Variants in PLEKHA4 observed in about 807,000 individuals in gnomAD.
The protein encoded by PLEKHA4 is pleckstrin homology domain-containing family A member 4.
In PLEKHA4, 73 loss-of-function variants were observed where a neutral mutation model predicts 94.7. The observed-to-expected ratio is 0.77, with a 90% CI of 0.64 to 0.94. The LOEUF (loss-of-function observed/expected upper bound fraction) is 0.94, where lower values mean the gene tolerates loss of function less well. PLEKHA4 is among the 40% of genes least tolerant of loss of function. The pLI is 0.00. For synonymous variants in PLEKHA4, 449 were observed against 437.1 expected, an observed-to-expected ratio of 1.03 and a Z score of -0.34; for missense variants, 1,049 against 1,054.1, an observed-to-expected ratio of 1.00 and a Z score of 0.07.
chr19:48,838,538 C>T (rs1279848558), intron 18 of PLEKHA4, among the ~76,000 whole-genome samples: 1 of 149,286 alleles, frequency 6.7e-6, no homozygotes, highest in Non-Finnish European at 1.5e-5. Flanking sequence ...CCGAGGCGGG[C>T]GGATCACTTG....
chr19:48,863,738 T>G (rs1022351282), intron 3 of PLEKHA4, among the ~76,000 whole-genome samples: 1 of 151,876 alleles, frequency 6.6e-6, no homozygotes, highest in Non-Finnish European at 1.5e-5. Flanking sequence ...ACGCCCAGCC[T>G]AATTTTTGTA....
Position 48,845,534 on chromosome 19 carries a change from A to G in PLEKHA4, c.1649T>C (p.Leu550Pro). The G allele has an allele frequency of 6.8e-6, 11 of 1,611,644 alleles. No individual in the cohort carries two copies. Among genetic ancestry groups the G allele is most frequent in the Non-Finnish European group, 9.3e-6 (11 of 1,178,518 alleles). ...ATGCTCACCTAAGTGAGGGCTGGCG[A>G]GGTCTTTGTCGCCTCCAGGAGGCCG... ...WGRPPGGDKD[L>P]ASPHLGLGSP... Residue 550 changes from leucine to proline, a missense_variant, in exon 15 of 20, where the codon CTC becomes CCC. Leu to Pro is a moderately conservative substitution (Grantham distance 98). Coordinates refer to ENST00000263265, the MANE Select transcript of PLEKHA4 (RefSeq NM_020904.3).
intron 14 of PLEKHA4, 55 bp from the exon 15 acceptor site, chr19:48,845,671 T>G: frequency 7.6e-7 from 1 of 1,316,000 alleles, no homozygotes; most frequent in Non-Finnish European, 1.0e-6. Flanking sequence ...TTATTATTAT[T>G]ACCATGTTGC....
chr19:48,859,239 G>A, intron 7 of PLEKHA4, 100 bp from the exon 8 acceptor site: 1 of 1,004,538 alleles, frequency 1.0e-6, no homozygotes, highest in Non-Finnish European at 1.5e-6. Flanking sequence ...TCACTTCACT[G>A]TGTCTTACTG....
At chr19:48,845,731 C>G in intron 14 of PLEKHA4, 115 bp from the exon 15 acceptor site, 1 of 905,672 alleles carries the variant, frequency 1.1e-6, no homozygotes, top group Non-Finnish European at 1.6e-6. Flanking sequence ...GACCATAAAC[C>G]AGGCCGGGCG....
At chr19:48,850,048 T>A (rs2036121887) in intron 13 of PLEKHA4, among the ~76,000 whole-genome samples, 1 of 151,610 alleles carries the variant, frequency 6.6e-6, no homozygotes, top group Admixed American at 6.6e-5. Context: ...CCGTCTCTAC[T>A]AAAAATACAA....
intron 9 of PLEKHA4, among the ~76,000 whole-genome samples, chr19:48,856,247 A>G (rs73061624): frequency 0.17 from 25,062 of 145,040 alleles, 2,242 homozygotes; most frequent in African/African-American, 0.23. Flanking sequence ...GGAAAGAACG[A>G]GGAGGGGAGG....
rs2036576411 is a variant in PLEKHA4, at chr19:48,860,082, T to C, written c.476+268A>G. ...AAGGAGCCAATCAGAGAGTGTGCAA[T>C]ATTGATCATTCCTGGAGCAGAGCTG... On this transcript the variant is annotated intron_variant, in intron 6 of 19. Transcript: ENST00000263265. The C allele has an allele frequency of 7.0e-6, 4 of 575,020 alleles. No individual in the cohort carries two copies. In the Admixed American group the frequency reaches 1.2e-4, roughly 18 times the overall value. The allele number at this position is 575,020 out of a possible 1,614,324, so 35.6% of individuals were successfully genotyped here. A position where few individuals can be genotyped will look rare whatever the true frequency, so the allele number is the denominator to read the frequency against.
Position 48,854,249 on chromosome 19 carries a change from C to T in PLEKHA4, c.1063G>A (p.Glu355Lys), listed in dbSNP as rs774276649. Residue 355 changes from glutamate to lysine, a missense_variant, in exon 10 of 20, where the codon GAG becomes AAG. Coordinates refer to ENST00000263265, the MANE Select transcript of PLEKHA4 (RefSeq NM_020904.3). ...SMVLLPGPPL[E>K]STFHQSLETD... ...TCCAAGCTTTGGTGGAAAGTTGACTCCAGGGGAGGACCCGGCTGAAGAGAA... is the reference window on the plus strand; with the variant it reads ...TCCAAGCTTTGGTGGAAAGTTGACTTCAGGGGAGGACCCGGCTGAAGAGAA... The T allele has an allele frequency of 6.2e-6, 10 of 1,614,050 alleles. No individual in the cohort carries two copies. The South Asian group carries it at 1.1e-4, about 18-fold the overall frequency.
intron 12 of PLEKHA4, among the ~76,000 whole-genome samples, 184 bp downstream of exon 12, chr19:48,853,498 C>T (rs1156571905): frequency 7.9e-6 from 1 of 127,372 alleles, no homozygotes; most frequent in Non-Finnish European, 1.6e-5. Flanking sequence ...GACTCTGTCC[C>T]CCCCAAAAAA....
chr19:48,839,870 G>A (rs1196886317), intron 17 of PLEKHA4, among the ~76,000 whole-genome samples: 1 of 151,626 alleles, frequency 6.6e-6, no homozygotes, highest in Non-Finnish European at 1.5e-5. Flanking sequence ...AGGCCGAGGT[G>A]AGCAGATCAC....
chr19:48,845,545 G>A lies in PLEKHA4; in HGVS notation c.1638C>T (p.Gly546=), dbSNP rs539628897. Residue 546 remains glycine, a synonymous_variant, in exon 15 of 20, where the codon GGC becomes GGT. Coordinates refer to ENST00000263265, the MANE Select transcript of PLEKHA4 (RefSeq NM_020904.3). ...AGTGAGGGCTGGCGAGGTCTTTGTCGCCTCCAGGAGGCCGCCCCCAGTCAG... is the reference window on the plus strand; with the variant it reads ...AGTGAGGGCTGGCGAGGTCTTTGTCACCTCCAGGAGGCCGCCCCCAGTCAG... ...PETDWGRPPG[G]DKDLASPHLG... The A allele has an allele frequency of 3.0e-4, 485 of 1,611,174 alleles. 2 individuals are homozygous for A. The South Asian group carries it at 3.9e-3, about 13-fold the overall frequency.
In PLEKHA4 at chr19:48,861,270, G is replaced by C. The variant is rs572741712; in HGVS notation, c.366+131C>G. 1.4e-3 allele frequency: 1,173 copies of C among 824,592 alleles called. 8 individuals are homozygous for C. Among genetic ancestry groups the C allele is most frequent in the Middle Eastern group, 4.8e-3 (14 of 2,920 alleles). 51.1% of individuals were successfully genotyped at this position (824,592 alleles called of 1,614,324 possible). On this transcript the variant is annotated intron_variant, in intron 5 of 19. Coordinates refer to ENST00000263265, the MANE Select transcript of PLEKHA4 (RefSeq NM_020904.3). ...CAAAACGAGGATGCAATTGACGCTT[G>C]TCAAGACCTTTTATCTCCAGTAATG...
chr19:48,845,345 A>G, intron 16 of PLEKHA4, 25 bp downstream of exon 16: 1 of 1,607,262 alleles, frequency 6.2e-7, no homozygotes. Flanking sequence ...AGATGCAAGG[A>G]TTACAGGATG....
chr19:48,845,935 C>T (rs573104541), intron 14 of PLEKHA4, among the ~76,000 whole-genome samples: 162 of 143,096 alleles, frequency 1.1e-3, no homozygotes, highest in Admixed American at 1.8e-3. Flanking sequence ...CGCTTGAACT[C>T]GGGAGTTGGA....
chr19:48,840,921 G>C (rs530882165), intron 17 of PLEKHA4, among the ~76,000 whole-genome samples: 39 of 151,990 alleles, frequency 2.6e-4, no homozygotes, highest in Non-Finnish European at 4.7e-4. Flanking sequence ...ATCCAGATGT[G>C]TGACCCCCGC....
intron 6 of PLEKHA4, chr19:48,859,946 T>C (rs1278125262): frequency 1.7e-6 from 1 of 578,966 alleles, no homozygotes; most frequent in South Asian, 2.3e-5. Flanking sequence ...GTTTCCAGCC[T>C]GATAATTGGC....
In PLEKHA4 at chr19:48,857,441, C is replaced by T. The variant is rs200243212; in HGVS notation, c.1028G>A (p.Arg343Gln). 2,426 of 1,552,686 alleles carry T rather than the reference C, an allele frequency of 1.6e-3. 4 individuals carry two copies. Among genetic ancestry groups the T allele is most frequent in the Non-Finnish European group, 2.0e-3 (2,278 of 1,154,216 alleles). Residue 343 changes from arginine to glutamine, a missense_variant, in exon 9 of 20, where the codon CGG becomes CAG. Coordinates refer to ENST00000263265, the MANE Select transcript of PLEKHA4 (RefSeq NM_020904.3). ...LQLPPRPPGT[R>Q]ASMVLLPGPP... is the part of the protein sequence containing the mutation. ...ACCTACCAATAAAACCATGGAGGCC[C>T]GGGTCCCAGGGGGCCGCGGGGGGAG...
chr19:48,854,120 C>G, intron 10 of PLEKHA4, 33 bp from the exon 11 acceptor site: 1 of 1,613,930 alleles, frequency 6.2e-7, no homozygotes, highest in Non-Finnish European at 8.5e-7. Flanking sequence ...TACTGATGGT[C>G]CAGATCTGGC....
Sources: allele counts gnomAD v4.1 joint callset (sites outside exome capture counted in the v4.1 genomes callset), GRCh38; gene constraint gnomAD v4.1.1; transcripts MANE v1.5; gene names NCBI Gene and HGNC (gene_info 2026-07-23, HGNC 2026-07-21).